GFRAL: variants seen among roughly 807,000 people sequenced by gnomAD.
GFRAL encodes the protein GDNF family receptor alpha like.
Under a neutral mutation model 45.4 loss-of-function variants are expected in GFRAL, and 36 were observed. That is an observed-to-expected ratio of 0.79 (90% CI 0.61 to 1.05). The LOEUF is 1.05. GFRAL is among the 50% of genes least tolerant of loss of function. GFRAL has a pLI of 0.00. For synonymous variants in GFRAL, 166 were observed against 154.1 expected (o/e 1.08, Z -0.57); for missense variants, 507 against 467.5 (o/e 1.08, Z -0.78).
intron 8 of GFRAL, 91 bp from the exon 9 acceptor site, chr6:55,401,699 G>A: frequency 1.3e-6 from 1 of 780,342 alleles, no homozygotes; most frequent in Non-Finnish European, 2.3e-6. Context: ...TCCTCCAGGT[G>A]CAGACTCCAG....
chr6:55,358,041 AATCTTCATTATT>A (rs1213795125), intron 5 of GFRAL, among the ~76,000 whole-genome samples: 2 of 151,804 alleles, frequency 1.3e-5, no homozygotes, highest in Non-Finnish European at 2.9e-5. Flanking sequence ...TACATGAATT[AATCTTCATTATT>A]ATATTTAAAA....
At chr6:55,335,592 T>C (rs7768300) in intron 3 of GFRAL, among the ~76,000 whole-genome samples, 38,301 of 152,066 alleles carry the variant, frequency 0.25, 5,209 homozygotes, top group Middle Eastern at 0.45. Context: ...TAGGCCTATG[T>C]TACATTATGA....
intron 3 of GFRAL, among the ~76,000 whole-genome samples, chr6:55,344,397 A>C (rs1260478991): frequency 6.6e-6 from 1 of 152,224 alleles, no homozygotes; most frequent in Non-Finnish European, 1.5e-5. Context: ...TACGCAAATC[A>C]ATAAACATAA....
intron 3 of GFRAL, among the ~76,000 whole-genome samples, chr6:55,335,895 CTTTAT>C (rs143794858): frequency 0.045 from 6,581 of 147,786 alleles, 476 homozygotes; most frequent in African/African-American, 0.15. Flanking sequence ...ATTTCTTTGT[CTTTAT>C]TTTATTTTAT....
chr6:55,337,022 A>AT (rs1405672613), intron 3 of GFRAL, among the ~76,000 whole-genome samples: 1 of 151,858 alleles, frequency 6.6e-6, no homozygotes, highest in Non-Finnish European at 1.5e-5. Context: ...GAGTATTTCT[A>AT]TTTTTCTGGC....
intron 5 of GFRAL, 67 bp from the exon 6 acceptor site, chr6:55,358,821 G>T: frequency 6.9e-7 from 1 of 1,449,090 alleles, no homozygotes; most frequent in Non-Finnish European, 9.6e-7. Flanking sequence ...TTAGGTGAGG[G>T]GGGATCACAT....
intron 2 of GFRAL, among the ~76,000 whole-genome samples, chr6:55,332,282 C>T (rs1202843424): frequency 6.6e-6 from 1 of 151,990 alleles, no homozygotes; most frequent in Non-Finnish European, 1.5e-5. Context: ...AACATATATG[C>T]GGTATTTCCA....
intron 3 of GFRAL, among the ~76,000 whole-genome samples, chr6:55,343,388 C>T (rs906797210): frequency 2.6e-5 from 4 of 152,150 alleles, no homozygotes; most frequent in South Asian, 4.1e-4. Flanking sequence ...CCAAACCGCT[C>T]AATTACATGG....
intron 6 of GFRAL, among the ~76,000 whole-genome samples, chr6:55,374,936 T>G (rs1310781862): frequency 6.6e-6 from 1 of 152,188 alleles, no homozygotes; most frequent in Admixed American, 6.5e-5. Context: ...TGGTTGTAGC[T>G]GCGTGGTCTT....
chr6:55,398,584 A>T (rs1768856430), intron 6 of GFRAL, among the ~76,000 whole-genome samples: 1 of 152,302 alleles, frequency 6.6e-6, no homozygotes, highest in South Asian at 2.1e-4. Flanking sequence ...TGTTTTTATG[A>T]ACTGGTCACT....
At chr6:55,346,018 G>A (rs1237767535) in intron 3 of GFRAL, among the ~76,000 whole-genome samples, 4 of 152,106 alleles carry the variant, frequency 2.6e-5, no homozygotes, top group South Asian at 4.2e-4. Flanking sequence ...TTAGAATGGC[G>A]ATCATTAAAA....
At chr6:55,393,379 C>G (rs900399299) in intron 6 of GFRAL, among the ~76,000 whole-genome samples, 2 of 152,074 alleles carry the variant, frequency 1.3e-5, no homozygotes, top group African/African-American at 2.4e-5. Context: ...TCTGTAGAAC[C>G]AGTGTTTTAT....
At chr6:55,349,315 A>G (rs1367821433) in intron 3 of GFRAL, among the ~76,000 whole-genome samples, 1 of 152,060 alleles carries the variant, frequency 6.6e-6, no homozygotes, top group African/African-American at 2.4e-5. Flanking sequence ...GCCATAACAA[A>G]ACTTATTATC....
rs1208702176 is a variant in GFRAL, at chr6:55,350,150, T to C, written c.370+5T>C. ...TAACTACACGTTCCCATCATGGTAA[T>C]GTTTTTAAGTTATTATTTTGATCTG... On this transcript the variant is annotated splice_donor_5th_base_variant and intron_variant, in intron 4 of 8. Coordinates refer to ENST00000340465, the MANE Select transcript of GFRAL (RefSeq NM_207410.2). The C allele has an allele frequency of 1.3e-6, 2 of 1,503,506 alleles. No homozygotes were observed. The highest frequency in any genetic ancestry group is 9.2e-7 in the Non-Finnish European group (1 of 1,081,674). The allele number at this position is 1,503,506 out of a possible 1,614,324, so 93.1% of individuals were successfully genotyped here. A position where few individuals can be genotyped will look rare whatever the true frequency, so the allele number is the denominator to read the frequency against.
chr6:55,397,480 T>A (rs1408813791), intron 6 of GFRAL, among the ~76,000 whole-genome samples: 1 of 112,344 alleles, frequency 8.9e-6, no homozygotes, highest in Non-Finnish European at 1.7e-5. Context: ...ATTGCGCCAC[T>A]GCAGTCCGCA....
intron 1 of GFRAL, among the ~76,000 whole-genome samples, chr6:55,328,041 A>C (rs1022279455): frequency 4.6e-5 from 7 of 152,056 alleles, no homozygotes; most frequent in African/African-American, 1.7e-4. Flanking sequence ...TACAGTGTTA[A>C]TATTTGCTAA....
At chr6:55,397,664 T>G (rs1253195271) in intron 6 of GFRAL, among the ~76,000 whole-genome samples, 3 of 152,312 alleles carry the variant, frequency 2.0e-5, no homozygotes, top group Non-Finnish European at 2.9e-5. Flanking sequence ...CTGGGAGGTT[T>G]ACTACTGGTC....
intron 5 of GFRAL, among the ~76,000 whole-genome samples, chr6:55,356,611 C>G (rs1406551945): frequency 6.6e-6 from 1 of 151,656 alleles, no homozygotes; most frequent in East Asian, 1.9e-4. Context: ...TTTTATTAGC[C>G]TAGCTGATGG....
At chr6:55,329,560 G>T (rs1767804911) in intron 1 of GFRAL, among the ~76,000 whole-genome samples, 1 of 152,052 alleles carries the variant, frequency 6.6e-6, no homozygotes, top group African/African-American at 2.4e-5. Context: ...TGGAAAACTG[G>T]ATTTGACCAA....
Sources: allele counts gnomAD v4.1 joint callset (sites outside exome capture counted in the v4.1 genomes callset), GRCh38; gene constraint gnomAD v4.1.1; transcripts MANE v1.5; gene names NCBI Gene and HGNC (gene_info 2026-07-23, HGNC 2026-07-21).